The following FAM3D variants were observed in gnomAD, a reference collection of about 807,000 sequenced individuals.
FAM3D encodes the protein protein FAM3D.
FAM3D carries 26 observed loss-of-function variants against 29.8 expected under a neutral mutation model. The observed-to-expected ratio is 0.87, with a 90% CI of 0.64 to 1.21. FAM3D has a LOEUF of 1.21. FAM3D is among the 50% of genes most tolerant of loss of function. FAM3D has a pLI of 0.00. For missense variants in FAM3D, 253 were observed against 290.9 expected, an observed-to-expected ratio of 0.87 and a Z score of 0.95; for synonymous variants, 115 against 102.3, an observed-to-expected ratio of 1.12 and a Z score of -0.75.
At chr3:58,666,450 C>T (rs1559511862) in intron 1 of FAM3D, 126 bp downstream of exon 1, 2 of 152,274 alleles carry the variant, frequency 1.3e-5, no homozygotes. Flanking sequence ...TTCCTTCTTT[C>T]TTTCCTTTCA....
At chr3:58,637,878 G>GATGATGATTATTATTATTATTATT in intron 7 of FAM3D, among the ~76,000 whole-genome samples, 1 of 148,682 alleles carries the variant, frequency 6.7e-6, no homozygotes, top group South Asian at 2.2e-4. Context: ...TTTCCCTTGT[G>GATGATGATTATTATTATTATTATT]ATTATTATTA....
intron 6 of FAM3D, among the ~76,000 whole-genome samples, chr3:58,641,554 C>CG (rs1006302015): frequency 6.6e-6 from 1 of 151,916 alleles, no homozygotes; most frequent in East Asian, 1.9e-4. Flanking sequence ...GGGGCGGATT[C>CG]GGGGGGTGGT....
intron 5 of FAM3D, 102 bp from the exon 6 acceptor site, chr3:58,643,822 CAGAA>C: frequency 9.7e-7 from 1 of 1,032,744 alleles, no homozygotes; most frequent in Non-Finnish European, 1.5e-6. Flanking sequence ...ATAAGCAATG[CAGAA>C]GCATTGGGAA....
intron 7 of FAM3D, among the ~76,000 whole-genome samples, chr3:58,638,232 T>A (rs574771549): frequency 6.6e-6 from 1 of 152,270 alleles, no homozygotes; most frequent in Non-Finnish European, 1.5e-5. Flanking sequence ...TAACAAGTGA[T>A]AATAGCTTTC....
chr3:58,640,021 A>G (rs1178836191), intron 7 of FAM3D, 106 bp downstream of exon 7: 19 of 1,229,884 alleles, frequency 1.5e-5, no homozygotes, highest in Non-Finnish European at 2.3e-5. Context: ...TCCTGTGGAA[A>G]GAAGCACCAG....
chr3:58,656,506 A>T (rs1192937235), intron 1 of FAM3D, among the ~76,000 whole-genome samples: 1 of 147,638 alleles, frequency 6.8e-6, no homozygotes, highest in East Asian at 2.0e-4. Flanking sequence ...CTTTCTCTTC[A>T]CCTCCCCCTG....
At chr3:58,653,024 TG>T (rs1165354965) in intron 3 of FAM3D, among the ~76,000 whole-genome samples, 1 of 152,092 alleles carries the variant, frequency 6.6e-6, no homozygotes, top group Non-Finnish European at 1.5e-5. Flanking sequence ...ATCTGCTCTG[TG>T]CCAGGCACTA....
intron 6 of FAM3D, among the ~76,000 whole-genome samples, chr3:58,642,742 C>G (rs576580156): frequency 6.6e-6 from 1 of 152,158 alleles, no homozygotes; most frequent in African/African-American, 2.4e-5. Context: ...CCTCCAGCCC[C>G]CCTACTCCAA....
rs1262895947 is a variant in FAM3D, at chr3:58,643,710, G to C, written c.274C>G (p.Pro92Ala). The C allele has an allele frequency of 4.3e-6, 7 of 1,613,970 alleles. No individual in the cohort carries two copies. Among genetic ancestry groups the C allele is most frequent in the South Asian group, 1.1e-5 (1 of 91,068 alleles). The change falls in exon 6 of 10, where the codon CCT becomes GCT. Residue 92 changes from proline (P) to alanine (A), a missense_variant. Pro to Ala is a conservative substitution (Grantham distance 27, BLOSUM62 -1). Transcript: ENST00000358781. ...MCFEDRMIMS[P>A]VKNNVGRGLN... The stretch of plus-strand genomic sequence containing the variant: ...CCTCTGCCCACATTGTTTTTCACAG[G>C]ACTCATGATCCTGAAGACAATGAAG...
rs867687354 is a variant in FAM3D, at chr3:58,645,723, G to A, written c.146-97C>T. ...CAGGGCTAGGGCCAGGGCGCAGCTT[G>A]GGATGAAGCTCAGAGCCTCTTTCTG... On this transcript the variant is annotated intron_variant, in intron 4 of 9. Transcript: ENST00000358781. 2.3e-5 allele frequency: 24 copies of A among 1,021,834 alleles called. 1 individual carries two copies. In the Middle Eastern group the frequency reaches 5.2e-3, roughly 223 times the overall value. The allele number at this position is 1,021,834 out of a possible 1,614,324, so 63.3% of individuals were successfully genotyped here. A position where few individuals can be genotyped will look rare whatever the true frequency, so the allele number is the denominator to read the frequency against.
intron 1 of FAM3D, among the ~76,000 whole-genome samples, chr3:58,664,327 T>C (rs893013607): frequency 2.6e-5 from 4 of 152,230 alleles, no homozygotes; most frequent in African/African-American, 4.8e-5. Flanking sequence ...ACATCTCTTG[T>C]ACAGTGCAGT....
Position 58,636,239 on chromosome 3 carries a change from A to G in FAM3D, c.585+55T>C, listed in dbSNP as rs746073053. ...GGTGAATGGGTGACTCCTTCCTACC[A>G]CCACCCAGCTCCTCATGCATCCTTC... On this transcript the variant is annotated intron_variant, in intron 9 of 9. Transcript: ENST00000358781. 88 of 1,579,776 alleles carry G rather than the reference A, an allele frequency of 5.6e-5. 1 individual carries two copies. The East Asian group carries it at 1.7e-3, about 30-fold the overall frequency.
intron 6 of FAM3D, among the ~76,000 whole-genome samples, chr3:58,640,708 G>A (rs112633063): frequency 6.6e-6 from 1 of 152,368 alleles, no homozygotes; most frequent in African/African-American, 2.4e-5. Context: ...CCTGGATTGC[G>A]TTTGTGGGTT....
intron 6 of FAM3D, among the ~76,000 whole-genome samples, chr3:58,642,508 C>T (rs2066362257): frequency 6.6e-6 from 1 of 152,178 alleles, no homozygotes; most frequent in Admixed American, 6.5e-5. Context: ...CCAGAAGTGG[C>T]CCTTACAGCC....
Position 58,634,211 on chromosome 3 carries a change from C to A in FAM3D, c.*68G>T, listed in dbSNP as rs564152297. ...CCTGCTCCTCCTCCTCAGCCCCTGC[C>A]GGGCTCTGACTCCTAAGTCAGGCAG... On this transcript the variant is annotated 3_prime_UTR_variant, in exon 10 of 10. Transcript: ENST00000358781. The surrounding 1 kb of genome is among the most constrained non-coding windows in gnomAD (Gnocchi z 4.6). 1 of 1,463,232 alleles carries A rather than the reference C, an allele frequency of 6.8e-7. No individual in the cohort carries two copies. The highest frequency in any genetic ancestry group is 1.2e-5 in the South Asian group (1 of 83,788). The allele number at this position is 1,463,232 out of a possible 1,614,324, so 90.6% of individuals were successfully genotyped here.
In FAM3D at chr3:58,653,785, C is replaced by T. The variant is rs771609102; in HGVS notation, c.14-4G>A. The stretch of plus-strand genomic sequence containing the variant: ...AGGGCCAGGAGGCGAAGCACACCTG[C>T]TGAGCAAGGGGATGCTGCCAGGAGA... On this transcript the variant is annotated splice_polypyrimidine_tract_variant and splice_region_variant and intron_variant, in intron 2 of 9. Coordinates refer to ENST00000358781, the MANE Select transcript of FAM3D (RefSeq NM_138805.3). 7.4e-6 allele frequency: 12 copies of T among 1,612,032 alleles called. No individual in the cohort carries two copies. In the East Asian group the frequency reaches 2.5e-4, roughly 33 times the overall value.
In FAM3D at chr3:58,666,743, T is replaced by A. The variant is rs2067040366; in HGVS notation, c.-206A>T. 1 of 152,244 alleles carries A rather than the reference T, an allele frequency of 6.6e-6. No individual in the cohort carries two copies. Among genetic ancestry groups the A allele is most frequent in the East Asian group, 1.9e-4 (1 of 5,182 alleles). The allele number at this position is 152,244 out of a possible 1,614,324, so 9.4% of individuals were successfully genotyped here. A position where few individuals can be genotyped will look rare whatever the true frequency, so the allele number is the denominator to read the frequency against. On this transcript the variant is annotated 5_prime_UTR_variant, in exon 1 of 10. Coordinates refer to ENST00000358781, the MANE Select transcript of FAM3D (RefSeq NM_138805.3). ...GCCTCACAGACGGCCCTCCTCTAGA[T>A]GCAGTGGGCCCAGAGGGTGAGACGG... is the stretch of plus-strand genomic sequence containing the variant.
intron 1 of FAM3D, among the ~76,000 whole-genome samples, chr3:58,663,069 T>C (rs1049869358): frequency 6.6e-6 from 1 of 152,190 alleles, no homozygotes; most frequent in Admixed American, 6.5e-5. Flanking sequence ...CAGCTAATTA[T>C]TGTATTTTTA....
intron 1 of FAM3D, among the ~76,000 whole-genome samples, chr3:58,660,026 T>C (rs374384217): frequency 6.6e-6 from 1 of 152,326 alleles, no homozygotes; most frequent in African/African-American, 2.4e-5. Flanking sequence ...GCAATGCTGC[T>C]TGGGCAAGGC....
Sources: allele counts gnomAD v4.1 joint callset (sites outside exome capture counted in the v4.1 genomes callset), GRCh38; gene constraint gnomAD v4.1.1; non-coding constraint Gnocchi (gnomAD v3.1); transcripts MANE v1.5; gene names NCBI Gene and HGNC (gene_info 2026-07-23, HGNC 2026-07-21).